SLC47A1: variants seen among roughly 807,000 people sequenced by gnomAD.
The protein encoded by SLC47A1 is multidrug and toxin extrusion protein 1.
SLC47A1 carries 58 observed loss-of-function variants against 65.8 expected under a neutral mutation model. The observed-to-expected ratio is 0.88, with a 90% CI of 0.71 to 1.10. The LOEUF is 1.10. Among genes scored for constraint, SLC47A1 ranks in the 50% least tolerant of loss-of-function variants. The pLI is 0.00. For missense variants in SLC47A1, 706 were observed against 719.2 expected (o/e 0.98, Z 0.21); for synonymous variants, 285 against 295.0 (o/e 0.97, Z 0.35).
intron 5 of SLC47A1, among the ~76,000 whole-genome samples, chr17:19,550,160 C>T (rs572298164): frequency 6.6e-5 from 10 of 152,254 alleles, no homozygotes; most frequent in Non-Finnish European, 1.0e-4. Flanking sequence ...CTCATTCCAT[C>T]ACCCAGGCTG....
chr17:19,565,347 G>A (rs577530459), intron 12 of SLC47A1, among the ~76,000 whole-genome samples: 31 of 152,232 alleles, frequency 2.0e-4, no homozygotes, highest in African/African-American at 7.5e-4. Flanking sequence ...CTTGGCCTGT[G>A]GCATCATCTT....
At chr17:19,571,943 C>T (rs984599947) in intron 15 of SLC47A1, among the ~76,000 whole-genome samples, 1 of 152,138 alleles carries the variant, frequency 6.6e-6, no homozygotes, top group African/African-American at 2.4e-5. Flanking sequence ...TTGTGTGCAT[C>T]CTTCCCTTCA....
In SLC47A1 at chr17:19,555,259, C is replaced by A; in HGVS notation, c.591C>A (p.Val197=). 6.2e-7 allele frequency: 1 copy of A among 1,614,222 alleles called. No homozygotes were observed. The highest frequency in any genetic ancestry group is 2.2e-5 in the East Asian group (1 of 44,876). ...QIVTGVAANL[V]NALANYLFLH... The stretch of plus-strand genomic sequence containing the variant: ...TAACTGGAGTTGCAGCCAACCTTGT[C>A]AATGCCCTCGCCAACTATCTGTTTC... The change falls in exon 7 of 17, where the codon GTC becomes GTA. Residue 197 remains valine (V), a synonymous_variant. Coordinates refer to ENST00000270570, the MANE Select transcript of SLC47A1 (RefSeq NM_018242.3).
In SLC47A1 at chr17:19,560,433, C is replaced by A; in HGVS notation, c.1046C>A (p.Ala349Asp). 1.2e-6 allele frequency: 2 copies of A among 1,614,168 alleles called. No homozygotes were observed. Among genetic ancestry groups the A allele is most frequent in the East Asian group, 2.2e-5 (1 of 44,884 alleles). ...TTACCTTCAGTGCTCTTTGCTGTAG[C>A]CTTCAGTGTCCTGCTGTTAAGCTGT... Reference protein sequence around the residue: ...SLLITVLFAVAFSVLLLSCKD... With the variant: ...SLLITVLFAVDFSVLLLSCKD... Residue 349 changes from alanine (A) to aspartate (D), a missense_variant, in exon 12 of 17, where the codon GCC (alanine) becomes GAC (aspartate). Transcript: ENST00000270570.
Position 19,577,967 on chromosome 17 carries a change from T to C in SLC47A1, c.*414T>C, listed in dbSNP as rs997712781. On this transcript the variant is annotated 3_prime_UTR_variant, in exon 17 of 17. Transcript: ENST00000270570. Reference sequence around the variant, plus strand: ...CTTAGATTACTATTCACTGGGCAAATGGTATTTGTTTTTGTTTTAATTTTT... The same window carrying C: ...CTTAGATTACTATTCACTGGGCAAACGGTATTTGTTTTTGTTTTAATTTTT... 3 of 1,284,232 alleles carry C rather than the reference T, an allele frequency of 2.3e-6. No homozygotes were observed. Among genetic ancestry groups the C allele is most frequent in the African/African-American group, 3.0e-5 (2 of 65,612 alleles). The allele number at this position is 1,284,232 out of a possible 1,614,324, so 79.6% of individuals were successfully genotyped here. A position where few individuals can be genotyped will look rare whatever the true frequency, so the allele number is the denominator to read the frequency against.
At chr17:19,576,158 T>C (rs143774755) in intron 16 of SLC47A1, among the ~76,000 whole-genome samples, 2,093 of 151,660 alleles carry the variant, frequency 0.014, 32 homozygotes, top group Non-Finnish European at 0.019. Context: ...CTGGCTTTTA[T>C]GTAGATGGGG....
intron 12 of SLC47A1, among the ~76,000 whole-genome samples, chr17:19,562,397 A>G (rs1453483033): frequency 1.3e-5 from 2 of 151,980 alleles, no homozygotes; most frequent in Non-Finnish European, 2.9e-5. Flanking sequence ...CCCTGTCTCT[A>G]CTAAAAATAC....
intron 14 of SLC47A1, 122 bp downstream of exon 14, chr17:19,567,350 C>T: frequency 7.0e-7 from 1 of 1,419,232 alleles, no homozygotes; most frequent in South Asian, 1.3e-5. Flanking sequence ...CACGTCCATT[C>T]TGTGTCTTGT....
At position 19,542,358 on chromosome 17, in the gene SLC47A1, C is replaced by T. The variant is rs746326854; in HGVS notation, c.136-35C>T. ...CCCCAGGCTTCCCTGCAATGGTGGTCACTCACGTCCCTTCCCGTTCCCCTC... is the reference window on the plus strand; with the variant it reads ...CCCCAGGCTTCCCTGCAATGGTGGTTACTCACGTCCCTTCCCGTTCCCCTC... On this transcript the variant is annotated intron_variant, in intron 1 of 16. Transcript: ENST00000270570. 3 of 1,512,592 alleles carry T rather than the reference C, an allele frequency of 2.0e-6. No individual in the cohort carries two copies. The South Asian group carries it at 3.8e-5, about 19-fold the overall frequency. 93.7% of individuals were successfully genotyped at this position (1,512,592 alleles called of 1,614,324 possible).
Position 19,577,719 on chromosome 17 carries a change from A to G in SLC47A1, c.*166A>G. ...TTTTCTATAAAAAGAAAAAGCAACT[A>G]AGGTTAAAAGCTATATTGTGGCCCA... On this transcript the variant is annotated 3_prime_UTR_variant, in exon 17 of 17. Transcript: ENST00000270570. 1 of 1,433,238 alleles carries G rather than the reference A, an allele frequency of 7.0e-7. No homozygotes were observed. The highest frequency in any genetic ancestry group is 1.4e-5 in the African/African-American group (1 of 69,760). The allele number at this position is 1,433,238 out of a possible 1,614,324, so 88.8% of individuals were successfully genotyped here. A position where few individuals can be genotyped will look rare whatever the true frequency, so the allele number is the denominator to read the frequency against.
At chr17:19,541,752 G>A (rs1916155087) in intron 1 of SLC47A1, among the ~76,000 whole-genome samples, 1 of 152,178 alleles carries the variant, frequency 6.6e-6, no homozygotes, top group South Asian at 2.1e-4. Flanking sequence ...TGGATAACAA[G>A]GGGGTTATCC....
intron 4 of SLC47A1, among the ~76,000 whole-genome samples, chr17:19,549,427 C>T (rs957265410): frequency 6.6e-6 from 1 of 152,094 alleles, no homozygotes; most frequent in East Asian, 1.9e-4. Context: ...TCGAACTCCT[C>T]AGCTCATGAA....
intron 12 of SLC47A1, 97 bp from the exon 13 acceptor site, chr17:19,566,693 G>C (rs2084360364): frequency 8.8e-7 from 1 of 1,134,374 alleles, no homozygotes; most frequent in Non-Finnish European, 1.3e-6. Flanking sequence ...CCAAAGTGCT[G>C]AGATTACAGG....
intron 13 of SLC47A1, 102 bp from the exon 14 acceptor site, chr17:19,566,994 C>A (rs564879471): frequency 6.3e-7 from 1 of 1,596,208 alleles, no homozygotes; most frequent in Non-Finnish European, 8.6e-7. Flanking sequence ...GATACTGTCA[C>A]CTTACCATGG....
chr17:19,539,795 T>C (rs1916089806), intron 1 of SLC47A1, among the ~76,000 whole-genome samples: 1 of 152,156 alleles, frequency 6.6e-6, no homozygotes, highest in South Asian at 2.1e-4. Flanking sequence ...CCTAACCTCC[T>C]GGGTCTTGCG....
chr17:19,577,903 T>C lies in SLC47A1; in HGVS notation c.*350T>C, dbSNP rs1188387619. The C allele has an allele frequency of 2.4e-6, 3 of 1,235,652 alleles. No homozygotes were observed. The highest frequency in any genetic ancestry group is 3.1e-6 in the Non-Finnish European group (3 of 971,226). The allele number at this position is 1,235,652 out of a possible 1,614,324, so 76.5% of individuals were successfully genotyped here. A position where few individuals can be genotyped will look rare whatever the true frequency, so the allele number is the denominator to read the frequency against. Reference sequence around the variant, plus strand: ...TGCTTAAGAATTCATACTGCTTGAATTATGTAAAATATATTTTACAGTATA... The same window carrying C: ...TGCTTAAGAATTCATACTGCTTGAACTATGTAAAATATATTTTACAGTATA... On this transcript the variant is annotated 3_prime_UTR_variant, in exon 17 of 17. Transcript: ENST00000270570.
intron 6 of SLC47A1, among the ~76,000 whole-genome samples, chr17:19,553,227 G>C (rs1283167983): frequency 6.6e-6 from 1 of 152,000 alleles, no homozygotes; most frequent in Admixed American, 6.6e-5. Flanking sequence ...TCGGGGGAAG[G>C]GAGACTTTCA....
At position 19,560,211 on chromosome 17, in the gene SLC47A1, T is replaced by C. The variant is rs747698646; in HGVS notation, c.945T>C (p.Ala315=). Residue 315 remains alanine, a synonymous_variant, in exon 11 of 17, where the codon GCT becomes GCC. Coordinates refer to ENST00000270570, the MANE Select transcript of SLC47A1 (RefSeq NM_018242.3). ...VYMVPAGFSV[A]ASVRVGNALG... ...AGGTCCCTGCAGGCTTCAGTGTGGC[T>C]GCCAGTGTCCGGGTAGGAAACGCTC... is the stretch of plus-strand genomic sequence containing the variant. 6.2e-6 allele frequency: 10 copies of C among 1,613,024 alleles called. No homozygotes were observed. Among genetic ancestry groups the C allele is most frequent in the Non-Finnish European group, 8.5e-6 (10 of 1,179,922 alleles).
intron 5 of SLC47A1, 73 bp from the exon 6 acceptor site, chr17:19,551,351 T>TGTGA: frequency 7.5e-7 from 1 of 1,331,708 alleles, no homozygotes. Flanking sequence ...GGCTCCTAGC[T>TGTGA]CCCTGCCGTG....
Sources: gnomAD v4.1 joint callset for allele counts (sites outside exome capture counted in the v4.1 genomes callset) on GRCh38, gnomAD v4.1.1 for gene constraint, MANE v1.5 for transcripts, NCBI Gene and HGNC (gene_info 2026-07-23, HGNC 2026-07-21) for gene names.